The following ATG9B variants were observed in gnomAD, a reference collection of about 807,000 sequenced individuals.
ATG9B encodes the protein autophagy-related protein 9B.
Under a neutral mutation model 92.9 loss-of-function variants are expected in ATG9B, and 92 were observed. The ratio of observed to expected loss-of-function variants is 0.99; its 90% CI spans 0.84 to 1.18. The LOEUF (loss-of-function observed/expected upper bound fraction) is 1.18, where lower values mean the gene tolerates loss of function less well. Among genes scored for constraint, ATG9B ranks in the 50% most tolerant of loss-of-function variants. The pLI is 0.00. For synonymous variants in ATG9B, 599 were observed against 551.4 expected (o/e 1.09, Z -1.21); for missense variants, 1,344 against 1,235.0 (o/e 1.09, Z -1.32).
chr7:151,017,290 C>T lies in ATG9B; in HGVS notation c.2053-18G>A. 6.4e-7 allele frequency: 1 copy of T among 1,563,264 alleles called. No homozygotes were observed. On this transcript the variant is annotated intron_variant, in intron 8 of 13. Transcript: ENST00000639579. The stretch of plus-strand genomic sequence containing the variant: ...GAGAGCCACTGTGAGCAAGGACAGT[C>T]TTTCAGGTGCTAAGAACACTGAGCC...
chr7:151,018,826 G>A lies in ATG9B; in HGVS notation c.1512C>T (p.Ala504=). 7.7e-7 allele frequency: 1 copy of A among 1,294,420 alleles called. No individual in the cohort carries two copies. Among genetic ancestry groups the A allele is most frequent in the Admixed American group, 4.3e-5 (1 of 23,420 alleles). The allele number at this position is 1,294,420 out of a possible 1,614,324, so 80.2% of individuals were successfully genotyped here. A position where few individuals can be genotyped will look rare whatever the true frequency, so the allele number is the denominator to read the frequency against. ...AGGCGGCGGCGGGGCGGTAGGCGCGGGCCAGGCGCGCGCGCAGCTCGTGCG... is the reference window on the plus strand; with the variant it reads ...AGGCGGCGGCGGGGCGGTAGGCGCGAGCCAGGCGCGCGCGCAGCTCGTGCG... ...ELPHELRARL[A]RAYRPAAAFL... Residue 504 remains alanine, a synonymous_variant, in exon 6 of 14, where the codon GCC becomes GCT. Coordinates refer to ENST00000639579, the MANE Select transcript of ATG9B (RefSeq NM_001317056.2). The surrounding 1 kb of genome is among the most constrained non-coding windows in gnomAD (Gnocchi z 4.7).
At chr7:151,013,168 G>A, downstream of ATG9B, 1 of 1,547,174 alleles carries the variant, frequency 6.5e-7, no homozygotes, top group East Asian at 2.3e-5. Flanking sequence ...GGTGGCCTGT[G>A]GGGAGGCCCC....
At chr7:151,014,556 T>C (rs762499907), downstream of ATG9B, 7 of 198,708 alleles carry the variant, frequency 3.5e-5, no homozygotes, top group Non-Finnish European at 6.1e-5. Flanking sequence ...TGCCAGATGT[T>C]AGGAGAACTA....
At chr7:151,019,409 C>T (rs1795667219) in intron 5 of ATG9B, 35 bp from the exon 6 acceptor site, 1 of 1,496,680 alleles carries the variant, frequency 6.7e-7, no homozygotes, top group Non-Finnish European at 8.8e-7. Context: ...AGCGACCCCC[C>T]ATTCCTCTCC....
At chr7:151,013,329 G>A, downstream of ATG9B, 2 of 1,613,988 alleles carry the variant, frequency 1.2e-6, no homozygotes, top group East Asian at 2.2e-5. Flanking sequence ...GCAGCGCGGG[G>A]TGTTTGGCCG....
At chr7:151,023,802 G>A in intron 1 of ATG9B, 72 bp from the exon 2 acceptor site, 2 of 1,612,448 alleles carry the variant, frequency 1.2e-6, no homozygotes, top group Middle Eastern at 1.7e-4. Context: ...CGCTGCCAGA[G>A]GCCCAGCCTG....
chr7:151,020,752 G>A (rs1486961917), intron 5 of ATG9B, among the ~76,000 whole-genome samples: 1 of 152,132 alleles, frequency 6.6e-6, no homozygotes, highest in Non-Finnish European at 1.5e-5. Context: ...TTAGGCTGAT[G>A]GGTCCATCTC....
At chr7:151,014,215 A>G (rs757520710), downstream of ATG9B, 2 of 1,547,622 alleles carry the variant, frequency 1.3e-6, no homozygotes, top group Middle Eastern at 3.8e-4. Context: ...CGGCTGCCCG[A>G]CTCAGGTCCG....
downstream of ATG9B, chr7:151,012,337 GTC>G: frequency 6.5e-7 from 1 of 1,547,220 alleles, no homozygotes; most frequent in Non-Finnish European, 8.7e-7. Flanking sequence ...CTGATGGAGT[GTC>G]TCTCCTGCCA....
rs1340805414 is a variant in ATG9B, at chr7:151,017,413, A to T, written c.2053-141T>A. On this transcript the variant is annotated intron_variant, in intron 8 of 13. Coordinates refer to ENST00000639579, the MANE Select transcript of ATG9B (RefSeq NM_001317056.2). ...GTTCACCATCACCCAAAAATACAGC[A>T]GCAGTGCAGAACCTGGGCCTGTCAT... 6.1e-6 allele frequency: 5 copies of T among 818,346 alleles called. No homozygotes were observed. The South Asian group carries it at 9.0e-5, about 15-fold the overall frequency. The allele number at this position is 818,346 out of a possible 1,614,324, so 50.7% of individuals were successfully genotyped here.
rs1317421604 is a variant in ATG9B at position 151,021,229 on chromosome 7, C to A, written c.922G>T (p.Asp308Tyr). 5 of 1,613,592 alleles carry A rather than the reference C, an allele frequency of 3.1e-6. No individual in the cohort carries two copies. Among genetic ancestry groups the A allele is most frequent in the Non-Finnish European group, 3.4e-6 (4 of 1,179,934 alleles). Residue 308 changes from aspartate to tyrosine, a missense_variant, in exon 5 of 14, where the codon GAC becomes TAC. By Grantham distance (160) the Asp-to-Tyr change is radical. Transcript: ENST00000639579. ...GCCTCCCTGTAAAACACCTGGATGT[C>A]CCAGTAGCTGAAGAGGTTGCAGACT... ...RSVCNLFSYW[D>Y]IQVFYREALH...
At position 151,016,794 on chromosome 7, in the gene ATG9B, C is replaced by T. The variant is rs754475552; in HGVS notation, c.2317G>A (p.Val773Met). The T allele has an allele frequency of 9.9e-6, 16 of 1,610,826 alleles. No individual in the cohort carries two copies. Among genetic ancestry groups the T allele is most frequent in the Middle Eastern group, 1.7e-4 (1 of 5,946 alleles). The change falls in exon 10 of 14, where the codon GTG (valine) becomes ATG (methionine). Residue 773 changes from valine to methionine, a missense_variant. By Grantham distance (21) the Val-to-Met change is conservative. Coordinates refer to ENST00000639579, the MANE Select transcript of ATG9B (RefSeq NM_001317056.2). The part of the protein sequence containing the change: ...LPEAFLANLF[V>M]HPLLPPRDLS... The stretch of plus-strand genomic sequence containing the variant: ...TCTCTCGGAGGCAGGAGAGGGTGCA[C>T]GAAGAGGTTGGCCAGGAAGGCCTCA...
At position 151,015,876 on chromosome 7, in the gene ATG9B, A is replaced by G. The variant is rs78171488; in HGVS notation, c.*14+6T>C. 2,307 of 1,549,378 alleles carry G rather than the reference A, an allele frequency of 1.5e-3. 18 individuals are homozygous for G. In the African/African-American group the frequency reaches 0.025, roughly 17 times the overall value. On this transcript the variant is annotated splice_donor_region_variant and intron_variant, in intron 13 of 13. Coordinates refer to ENST00000639579, the MANE Select transcript of ATG9B (RefSeq NM_001317056.2). Reference sequence around the variant, plus strand: ...TCTCCCTCCCCTCACAGGAGGCAATACTGACCCTGAGGAGTCGTCTCAGTC... The same window carrying G: ...TCTCCCTCCCCTCACAGGAGGCAATGCTGACCCTGAGGAGTCGTCTCAGTC...
chr7:151,018,838 G>A lies in ATG9B; in HGVS notation c.1500C>T (p.Arg500=). The A allele has an allele frequency of 1.5e-6, 2 of 1,291,656 alleles. No individual in the cohort carries two copies. The highest frequency in any genetic ancestry group is 2.0e-6 in the Non-Finnish European group (2 of 1,023,350). 80.0% of individuals were successfully genotyped at this position (1,291,656 alleles called of 1,614,324 possible). Residue 500 remains arginine, a synonymous_variant, in exon 6 of 14, where the codon CGC becomes CGT. Coordinates refer to ENST00000639579, the MANE Select transcript of ATG9B (RefSeq NM_001317056.2). The surrounding 1 kb of genome is among the most constrained non-coding windows in gnomAD (Gnocchi z 4.7). ...GGCGGTAGGCGCGGGCCAGGCGCGC[G>A]CGCAGCTCGTGCGGCAGCTCGTTGA... ...RHFNELPHEL[R]ARLARAYRPA... is the part of the protein sequence containing the mutation.
At chr7:151,014,156 C>G (rs770455028), downstream of ATG9B, 5 of 1,605,480 alleles carry the variant, frequency 3.1e-6, no homozygotes, top group Non-Finnish European at 8.5e-7. Flanking sequence ...GGCTCAGACA[C>G]CAACAGCCCC....
intron 5 of ATG9B, 65 bp downstream of exon 5, chr7:151,021,123 T>G: frequency 1.3e-6 from 2 of 1,584,678 alleles, no homozygotes; most frequent in South Asian, 1.1e-5. Flanking sequence ...CAGTCCCACT[T>G]CTTCCCCTCT....
chr7:151,016,704 T>C lies in ATG9B; in HGVS notation c.2407A>G (p.Ile803Val), dbSNP rs1393214765. ...ACTCCTCACCTGGGGTCCTGGGCAATTCGGGAAATGGAGGCAAGGAGGCTG... is the reference window on the plus strand; with the variant it reads ...ACTCCTCACCTGGGGTCCTGGGCAACTCGGGAAATGGAGGCAAGGAGGCTG... ...TASLLASISR[I>V]AQDPSSVSPG... Residue 803 changes from isoleucine to valine, a missense_variant, in exon 10 of 14, where the codon ATT (isoleucine) becomes GTT (valine). Ile to Val is a conservative substitution (Grantham distance 29, BLOSUM62 3). Transcript: ENST00000639579. 2 of 1,597,302 alleles carry C rather than the reference T, an allele frequency of 1.3e-6. No homozygotes were observed. Among genetic ancestry groups the C allele is most frequent in the African/African-American group, 2.7e-5 (2 of 74,244 alleles).
Position 151,015,934 on chromosome 7 carries a change from T to G in ATG9B, c.2737A>C (p.Thr913Pro). ...GAGGCCCGGTCAGGCTCCTTCTGGG[T>G]GTCTGTGGTCACCTGAAACCCTCCG... ...FPGGFQVTTDTQKEPDRASCT... is the reference protein window; with the variant it reads ...FPGGFQVTTDPQKEPDRASCT... Residue 913 changes from threonine (T) to proline (P), a missense_variant, in exon 13 of 14, where the codon ACC (threonine) becomes CCC (proline). Transcript: ENST00000639579. 1 of 1,551,612 alleles carries G rather than the reference T, an allele frequency of 6.4e-7. No homozygotes were observed. Among genetic ancestry groups the G allele is most frequent in the Non-Finnish European group, 8.7e-7 (1 of 1,146,970 alleles).
chr7:151,016,235 G>C lies in ATG9B; in HGVS notation c.2521C>G (p.Leu841Val), dbSNP rs1332786596. Residue 841 changes from leucine to valine, a missense_variant and splice_region_variant, in exon 12 of 14, where the codon CTT becomes GTT. Physicochemically the swap from Leu to Val is conservative, Grantham distance 32. Coordinates refer to ENST00000639579, the MANE Select transcript of ATG9B (RefSeq NM_001317056.2). ...TCCTGCTGCTGCTGCTGCTGGTGAAGCTGCATGGAAAGGAGGAGGAATGAG... is the reference window on the plus strand; with the variant it reads ...TCCTGCTGCTGCTGCTGCTGGTGAACCTGCATGGAAAGGAGGAGGAATGAG... The part of the protein sequence containing the change: ...MSLHVIYLHQ[L>V]HQQQQQQEPW... 1.3e-6 allele frequency: 2 copies of C among 1,491,178 alleles called. No individual in the cohort carries two copies. The highest frequency in any genetic ancestry group is 2.7e-5 in the South Asian group (2 of 73,914). The allele number at this position is 1,491,178 out of a possible 1,614,324, so 92.4% of individuals were successfully genotyped here.
Sources: allele counts gnomAD v4.1 joint callset (sites outside exome capture counted in the v4.1 genomes callset), GRCh38; gene constraint gnomAD v4.1.1; non-coding constraint Gnocchi (gnomAD v3.1); transcripts MANE v1.5; gene names NCBI Gene and HGNC (gene_info 2026-07-23, HGNC 2026-07-21).